KCNIP1: variants seen among roughly 807,000 people sequenced by gnomAD.
KCNIP1 encodes the protein potassium voltage-gated channel interacting protein 1.
In KCNIP1, 18 loss-of-function variants were observed where a neutral mutation model predicts 33.0. The ratio of observed to expected loss-of-function variants is 0.55; its 90% confidence interval spans 0.38 to 0.81. KCNIP1 has a LOEUF of 0.81. Ranked by LOEUF, KCNIP1 falls within the 30% of genes least tolerant of loss-of-function variation. KCNIP1 has a pLI of 0.00. For synonymous variants in KCNIP1, 93 were observed against 98.3 expected, an observed-to-expected ratio of 0.95 and a Z score of 0.32; for missense variants, 238 against 271.6, an observed-to-expected ratio of 0.88 and a Z score of 0.87.
chr5:170,609,520 T>C (rs892492339), intron 1 of KCNIP1, among the ~76,000 whole-genome samples: 4 of 152,160 alleles, frequency 2.6e-5, no homozygotes, highest in African/African-American at 4.8e-5. Context: ...TTTCACAGAC[T>C]TTTGGTGATG....
At chr5:170,611,887 G>C (rs1759169763) in intron 1 of KCNIP1, among the ~76,000 whole-genome samples, 1 of 152,348 alleles carries the variant, frequency 6.6e-6, no homozygotes, top group East Asian at 1.9e-4. Context: ...TGCTGGAAGG[G>C]AGGATTTGTT....
At chr5:170,535,763 ATAAT>A (rs1755961123) in intron 1 of KCNIP1, among the ~76,000 whole-genome samples, 1 of 152,258 alleles carries the variant, frequency 6.6e-6, no homozygotes, top group African/African-American at 2.4e-5. Flanking sequence ...TAACTCAAAC[ATAAT>A]TAAGAAGTTA....
In KCNIP1 at chr5:170,569,926, A is replaced by T. The variant is rs1757338754; in HGVS notation, c.61+65293A>T. On this transcript the variant is annotated intron_variant, in intron 1 of 7. Coordinates refer to ENST00000328939, the MANE Select transcript of KCNIP1 (RefSeq NM_014592.4). ...TAGCATGGAGCGAGCCTAAAAATGC[A>T]CCAAAGTAATGAAAAGAGCAAAGCA... Among the ~76,000 whole-genome samples, 3 of 152,292 alleles carry T rather than the reference A, an allele frequency of 2.0e-5. No individual in the cohort carries two copies. The South Asian group carries it at 6.2e-4, about 32-fold the overall frequency.
intron 1 of KCNIP1, among the ~76,000 whole-genome samples, chr5:170,564,506 G>T (rs1757141068): frequency 6.6e-6 from 1 of 152,164 alleles, no homozygotes; most frequent in African/African-American, 2.4e-5. Context: ...AATTGCGGGG[G>T]CACAGGAAAA....
chr5:170,418,597 A>G (rs1215197780), intron 1 of KCNIP1, among the ~76,000 whole-genome samples: 2 of 152,140 alleles, frequency 1.3e-5, no homozygotes, highest in Non-Finnish European at 2.9e-5. Context: ...CCCCTACTCA[A>G]AACTGTGCCC....
At chr5:170,472,351 C>G (rs1314465999) in intron 1 of KCNIP1, among the ~76,000 whole-genome samples, 1 of 152,218 alleles carries the variant, frequency 6.6e-6, no homozygotes, top group African/African-American at 2.4e-5. Context: ...CCCCACAGTC[C>G]TGTAGGTCCG....
At chr5:170,569,970 G>T (rs1757341798) in intron 1 of KCNIP1, among the ~76,000 whole-genome samples, 1 of 152,134 alleles carries the variant, frequency 6.6e-6, no homozygotes, top group Non-Finnish European at 1.5e-5. Flanking sequence ...TTTGATATCT[G>T]GCTGTTTTTC....
intron 1 of KCNIP1, among the ~76,000 whole-genome samples, chr5:170,544,447 G>A (rs1319661450): frequency 6.6e-6 from 1 of 152,012 alleles, no homozygotes; most frequent in East Asian, 1.9e-4. Context: ...TAGCTTTTCA[G>A]TGTTTGGACT....
At chr5:170,706,415 T>C (rs897424735) in intron 1 of KCNIP1, among the ~76,000 whole-genome samples, 3 of 152,166 alleles carry the variant, frequency 2.0e-5, no homozygotes, top group Non-Finnish European at 4.4e-5. Context: ...AACTGGGCTG[T>C]GAAGGGAATA....
At chr5:170,640,706 G>C (rs1260565305) in intron 1 of KCNIP1, among the ~76,000 whole-genome samples, 1 of 152,196 alleles carries the variant, frequency 6.6e-6, no homozygotes, top group Non-Finnish European at 1.5e-5. Context: ...TGCCAGGCAT[G>C]TTCATGTATA....
chr5:170,516,619 G>A (rs1015972346), intron 1 of KCNIP1, among the ~76,000 whole-genome samples: 1 of 152,220 alleles, frequency 6.6e-6, no homozygotes, highest in Admixed American at 6.5e-5. Flanking sequence ...TTGTGGCTTG[G>A]TGTGAAAACA....
intron 1 of KCNIP1, among the ~76,000 whole-genome samples, chr5:170,424,742 A>G (rs933370733): frequency 6.6e-6 from 1 of 152,158 alleles, no homozygotes; most frequent in Non-Finnish European, 1.5e-5. Context: ...TTTTAAAAGT[A>G]GAAGTCAGAT....
intron 1 of KCNIP1, among the ~76,000 whole-genome samples, chr5:170,476,531 A>G (rs925684836): frequency 6.6e-6 from 1 of 152,222 alleles, no homozygotes; most frequent in African/African-American, 2.4e-5. Context: ...ATATGAATAG[A>G]AAAATTTTTG....
intron 1 of KCNIP1, among the ~76,000 whole-genome samples, chr5:170,470,539 C>A (rs1051952018): frequency 1.3e-5 from 2 of 152,190 alleles, no homozygotes; most frequent in Non-Finnish European, 2.9e-5. Flanking sequence ...GGGCGCCAAG[C>A]AAGCAGAATT....
chr5:170,356,068 A>G (rs1467362898), intron 1 of KCNIP1, among the ~76,000 whole-genome samples: 1 of 152,242 alleles, frequency 6.6e-6, no homozygotes, highest in East Asian at 1.9e-4. Flanking sequence ...GAGCAGGGCC[A>G]GGCTGGGAGC....
At chr5:170,354,851 G>A (rs1309139216) in intron 1 of KCNIP1, among the ~76,000 whole-genome samples, 4 of 152,180 alleles carry the variant, frequency 2.6e-5, no homozygotes, top group Admixed American at 6.5e-5. Flanking sequence ...GGTTCCACTG[G>A]CTGAAAAAAC....
intron 5 of KCNIP1, among the ~76,000 whole-genome samples, chr5:170,724,016 G>C (rs1433032223): frequency 1.3e-5 from 2 of 152,144 alleles, no homozygotes; most frequent in Non-Finnish European, 2.9e-5. Flanking sequence ...GGAGGGCTAG[G>C]GTAAGGGGCC....
chr5:170,528,775 C>A (rs936001856), intron 1 of KCNIP1, among the ~76,000 whole-genome samples: 1 of 152,146 alleles, frequency 6.6e-6, no homozygotes, highest in Non-Finnish European at 1.5e-5. Flanking sequence ...GACTTTAGAC[C>A]ATTTTTCATT....
intron 2 of KCNIP1, among the ~76,000 whole-genome samples, chr5:170,719,845 T>A (rs1763757502): frequency 6.6e-6 from 1 of 152,176 alleles, no homozygotes; most frequent in African/African-American, 2.4e-5. Flanking sequence ...TGGAGAAGGA[T>A]CCTGTGGGAA....
Sources: allele counts gnomAD v4.1 joint callset (sites outside exome capture counted in the v4.1 genomes callset), GRCh38; gene constraint gnomAD v4.1.1; transcripts MANE v1.5; gene names NCBI Gene and HGNC (gene_info 2026-07-23, HGNC 2026-07-21).